The following CPNE4 variants were observed in gnomAD, a reference collection of about 807,000 sequenced individuals.
CPNE4 encodes copine 4, also known as copine-4.
CPNE4 carries 25 observed loss-of-function variants against 67.9 expected under a neutral mutation model. That is an observed-to-expected ratio of 0.37 (90% CI 0.27 to 0.51). CPNE4 has a LOEUF of 0.51. Among genes scored for constraint, CPNE4 ranks in the 20% least tolerant of loss-of-function variants. The pLI, the probability that CPNE4 is intolerant of heterozygous loss-of-function variation, is 0.93. For missense variants in CPNE4, 464 were observed against 690.8 expected, an observed-to-expected ratio of 0.67 and a Z score of 3.68; for synonymous variants, 242 against 244.9, an observed-to-expected ratio of 0.99 and a Z score of 0.11.
At chr3:131,988,855 C>T (rs1195730730) in intron 1 of CPNE4, among the ~76,000 whole-genome samples, 3 of 152,200 alleles carry the variant, frequency 2.0e-5, no homozygotes, top group Non-Finnish European at 2.9e-5. Context: ...GAGCTAGATT[C>T]ACATAAACCT....
intron 1 of CPNE4, among the ~76,000 whole-genome samples, chr3:131,996,407 G>T (rs1352816075): frequency 6.6e-6 from 1 of 151,952 alleles, no homozygotes; most frequent in Non-Finnish European, 1.5e-5. Context: ...GGAGGGAAAA[G>T]AGTCATTGCC....
At chr3:131,947,145 T>C (rs1178964250) in intron 1 of CPNE4, among the ~76,000 whole-genome samples, 1 of 152,210 alleles carries the variant, frequency 6.6e-6, no homozygotes, top group Non-Finnish European at 1.5e-5. Flanking sequence ...TATTCCTCCT[T>C]TTCTCAGGTT....
chr3:131,761,210 C>CAT (rs1491104083), intron 2 of CPNE4, among the ~76,000 whole-genome samples: 6 of 119,462 alleles, frequency 5.0e-5, no homozygotes, highest in Middle Eastern at 4.5e-3. Context: ...TCACTTCGTA[C>CAT]TTTTTTTTTT....
At chr3:131,733,834 G>C (rs549395056) in intron 2 of CPNE4, among the ~76,000 whole-genome samples, 49 of 152,332 alleles carry the variant, frequency 3.2e-4, no homozygotes, top group Middle Eastern at 3.4e-3. Context: ...CGAGGATGGA[G>C]AGCCTTGGTT....
intron 1 of CPNE4, among the ~76,000 whole-genome samples, chr3:131,951,842 G>A (rs1304312641): frequency 1.3e-5 from 2 of 152,204 alleles, no homozygotes; most frequent in Admixed American, 6.5e-5. Flanking sequence ...CGGGATTGCA[G>A]ACGGAGTCTC....
chr3:131,779,765 T>C (rs1166302654), intron 2 of CPNE4, among the ~76,000 whole-genome samples: 3 of 152,010 alleles, frequency 2.0e-5, no homozygotes, highest in African/African-American at 7.2e-5. Context: ...ATTCTGGACA[T>C]TGACTTGGAC....
chr3:131,578,551 G>A (rs561914428), intron 9 of CPNE4, among the ~76,000 whole-genome samples: 7 of 152,146 alleles, frequency 4.6e-5, no homozygotes, highest in Non-Finnish European at 7.4e-5. Flanking sequence ...AACTTAGTGA[G>A]GAAGGCATGT....
intron 2 of CPNE4, among the ~76,000 whole-genome samples, chr3:131,876,813 G>T (rs1234674502): frequency 1.3e-5 from 2 of 152,060 alleles, no homozygotes; most frequent in African/African-American, 4.8e-5. Context: ...CAGAAGACCT[G>T]CTAGGAATCA....
intron 15 of CPNE4, among the ~76,000 whole-genome samples, chr3:131,540,449 C>T (rs1645289380): frequency 6.6e-6 from 1 of 152,150 alleles, no homozygotes; most frequent in Admixed American, 6.5e-5. Flanking sequence ...GAAAGTGGCA[C>T]AACAAACAGC....
intron 1 of CPNE4, among the ~76,000 whole-genome samples, chr3:132,023,187 C>T (rs1162195463): frequency 2.0e-5 from 3 of 152,194 alleles, no homozygotes; most frequent in Non-Finnish European, 4.4e-5. Flanking sequence ...AAAAGCCTCA[C>T]GCACTCTAGT....
intron 13 of CPNE4, 113 bp downstream of exon 13, chr3:131,552,327 G>A: frequency 1.1e-6 from 1 of 874,020 alleles, no homozygotes; most frequent in South Asian, 1.5e-5. Flanking sequence ...ACAGAAAGCA[G>A]AGATTCTGTG....
chr3:131,996,012 T>G (rs1216018431), intron 1 of CPNE4, among the ~76,000 whole-genome samples: 1 of 152,228 alleles, frequency 6.6e-6, no homozygotes, highest in Non-Finnish European at 1.5e-5. Context: ...TTTAGAAGTG[T>G]CATTCCTGTG....
intron 7 of CPNE4, among the ~76,000 whole-genome samples, chr3:131,598,676 A>G (rs1452091070): frequency 1.3e-5 from 2 of 152,218 alleles, no homozygotes; most frequent in East Asian, 3.8e-4. Context: ...CCTTTTCACT[A>G]TACCACATAG....
chr3:131,594,051 A>G (rs919470381), intron 7 of CPNE4, among the ~76,000 whole-genome samples: 2 of 152,108 alleles, frequency 1.3e-5, no homozygotes, highest in African/African-American at 2.4e-5. Context: ...GGAAATGATG[A>G]GAGTGGGCAT....
chr3:131,965,758 TCC>T (rs2072324736), intron 1 of CPNE4, among the ~76,000 whole-genome samples: 1 of 152,048 alleles, frequency 6.6e-6, no homozygotes, highest in South Asian at 2.1e-4. Context: ...AGACTTAGAC[TCC>T]CACAAAATAG....
chr3:131,818,571 G>A (rs1004344905), intron 2 of CPNE4, among the ~76,000 whole-genome samples: 5 of 152,134 alleles, frequency 3.3e-5, no homozygotes, highest in African/African-American at 1.2e-4. Context: ...CAACTGGGAG[G>A]CTGTCAAAAA....
At chr3:131,997,245 C>A (rs1218340066) in intron 1 of CPNE4, among the ~76,000 whole-genome samples, 1 of 152,062 alleles carries the variant, frequency 6.6e-6, no homozygotes, top group East Asian at 1.9e-4. Flanking sequence ...TCAGTCATTC[C>A]AACAGCTGCT....
intron 2 of CPNE4, among the ~76,000 whole-genome samples, chr3:131,807,354 C>A (rs536591965): frequency 3.5e-4 from 54 of 152,210 alleles, no homozygotes; most frequent in Middle Eastern, 6.8e-3. Flanking sequence ...GGTATCATAT[C>A]GCATATATAA....
chr3:131,682,147 T>C (rs1412239154), intron 6 of CPNE4, among the ~76,000 whole-genome samples: 2 of 152,046 alleles, frequency 1.3e-5, no homozygotes, highest in Admixed American at 6.5e-5. Context: ...TTTATTTAGT[T>C]TGTTTGTTGA....
Sources: gnomAD v4.1 joint callset for allele counts (sites outside exome capture counted in the v4.1 genomes callset) on GRCh38, gnomAD v4.1.1 for gene constraint, MANE v1.5 for transcripts, NCBI Gene and HGNC (gene_info 2026-07-23, HGNC 2026-07-21) for gene names.